The following VPS53 variants were observed in gnomAD, a reference collection of about 807,000 sequenced individuals.
VPS53 encodes vacuolar protein sorting-associated protein 53 homolog.
In VPS53, 70 loss-of-function variants were observed where a neutral mutation model predicts 107.0. That is an observed-to-expected ratio of 0.65 (90% CI 0.54 to 0.80). The LOEUF is 0.80. Among genes scored for constraint, VPS53 ranks in the 30% least tolerant of loss-of-function variants. The pLI is 0.00. For missense variants in VPS53, 917 were observed against 1,049.4 expected (o/e 0.87, Z 1.74); for synonymous variants, 409 against 393.3 (o/e 1.04, Z -0.47).
Position 520,235 on chromosome 17 carries a change from C to T in VPS53, c.2224-305G>A, listed in dbSNP as rs532066109. 9.2e-5 allele frequency among the ~76,000 whole-genome samples: 14 copies of T among 152,240 alleles called. No homozygotes were observed. Among genetic ancestry groups the T allele is most frequent in the Non-Finnish European group, 1.6e-4 (11 of 68,008 alleles). ...CGCTGCTGTTTGAAGTATGGGTTTCCGGGGCCCTCCTCTAAAGACTCTAAT... is the reference window on the plus strand; with the variant it reads ...CGCTGCTGTTTGAAGTATGGGTTTCTGGGGCCCTCCTCTAAAGACTCTAAT... On this transcript the variant is annotated intron_variant, in intron 20 of 21. Transcript: ENST00000437048. This position sits in a 1 kb window ranked among gnomAD's most constrained non-coding sequence, Gnocchi z 4.4.
At position 667,672 on chromosome 17, in the gene VPS53, G is replaced by T. The variant is rs549824146; in HGVS notation, c.286-5777C>A. Among the ~76,000 whole-genome samples the T allele has an allele frequency of 1.7e-4, 26 of 151,168 alleles. 2 individuals are homozygous for T. Among genetic ancestry groups the T allele is most frequent in the East Asian group, 9.8e-4 (5 of 5,118 alleles). ...TAATGTTCTGGGGGGGGGGGCAATG[G>T]GTTAATTACAGAAGAGGACTTTTTT... On this transcript the variant is annotated intron_variant, in intron 4 of 21. Transcript: ENST00000437048.
intron 7 of VPS53, among the ~76,000 whole-genome samples, chr17:642,232 C>A (rs2143330594): frequency 6.6e-6 from 1 of 152,322 alleles, no homozygotes; most frequent in Middle Eastern, 3.4e-3. Flanking sequence ...GAATCTCAGC[C>A]TAGAATCTTG....
intron 7 of VPS53, among the ~76,000 whole-genome samples, chr17:645,960 C>T (rs1165927088): frequency 1.5e-5 from 2 of 135,048 alleles, no homozygotes; most frequent in Non-Finnish European, 3.3e-5. Flanking sequence ...TCTCCGTGAC[C>T]GTGTGGCCAC....
Position 714,832 on chromosome 17 carries a change from G to T in VPS53, c.-123C>A. 3 of 1,079,750 alleles carry T rather than the reference G, an allele frequency of 2.8e-6. No individual in the cohort carries two copies. The highest frequency in any genetic ancestry group is 2.4e-5 in the East Asian group (1 of 41,050). The allele number at this position is 1,079,750 out of a possible 1,614,324, so 66.9% of individuals were successfully genotyped here. The stretch of plus-strand genomic sequence containing the variant: ...CCTGGTGAGCCCGGCTCCGTCAGCC[G>T]CTCTGTCAGCCGCTCCGGCACTTCC... On this transcript the variant is annotated 5_prime_UTR_variant, in exon 1 of 22. Coordinates refer to ENST00000437048, the MANE Select transcript of VPS53 (RefSeq NM_001128159.3).
intron 19 of VPS53, among the ~76,000 whole-genome samples, chr17:523,911 T>C (rs1204287293): frequency 6.6e-6 from 1 of 152,148 alleles, no homozygotes; most frequent in Non-Finnish European, 1.5e-5. Context: ...AGAATTCCAG[T>C]GGAAATGACT....
At chr17:654,511 G>A (rs1433694203) in intron 6 of VPS53, among the ~76,000 whole-genome samples, 1 of 152,014 alleles carries the variant, frequency 6.6e-6, no homozygotes, top group Non-Finnish European at 1.5e-5. Context: ...GGCCGAGGCG[G>A]GCAGATCACA....
At chr17:699,422 C>G (rs759711922) in intron 2 of VPS53, 42 bp from the exon 3 acceptor site, 1 of 1,483,596 alleles carries the variant, frequency 6.7e-7, no homozygotes, top group South Asian at 1.4e-5. Context: ...TAGTCCACTT[C>G]CTGGAATTCC....
intron 17 of VPS53, among the ~76,000 whole-genome samples, chr17:542,258 G>A (rs1031895397): frequency 6.6e-6 from 1 of 152,198 alleles, no homozygotes; most frequent in Non-Finnish European, 1.5e-5. Flanking sequence ...GGATGAAACA[G>A]GATTGAGGAC....
intron 1 of VPS53, 88 bp downstream of exon 1, chr17:714,535 G>T: frequency 1.5e-6 from 2 of 1,317,724 alleles, no homozygotes; most frequent in South Asian, 1.4e-5. Flanking sequence ...CCGGCCCTCC[G>T]TCCACCCGCC....
At chr17:544,013 GTGA>G (rs1291934705) in intron 17 of VPS53, among the ~76,000 whole-genome samples, 18 of 70,332 alleles carry the variant, frequency 2.6e-4, no homozygotes, top group African/African-American at 1.1e-3. Flanking sequence ...GAGGGAGGGA[GTGA>G]GGAAGGCAGG....
chr17:629,584 CCATCTCTACTAAAAA>C (rs1204706613), intron 8 of VPS53, among the ~76,000 whole-genome samples: 1 of 151,716 alleles, frequency 6.6e-6, no homozygotes, highest in Non-Finnish European at 1.5e-5. Context: ...TGGTGAAACC[CCATCTCTACTAAAAA>C]AAAATACAAA....
intron 11 of VPS53, among the ~76,000 whole-genome samples, chr17:618,661 T>C (rs1421949642): frequency 6.7e-6 from 1 of 149,086 alleles, no homozygotes; most frequent in Non-Finnish European, 1.5e-5. Context: ...CGACACCTGC[T>C]AATATTTCTT....
intron 4 of VPS53, among the ~76,000 whole-genome samples, chr17:672,594 T>C (rs770226358): frequency 2.6e-5 from 4 of 152,158 alleles, no homozygotes; most frequent in African/African-American, 4.8e-5. Flanking sequence ...GAACGGCTCA[T>C]GGATTAAGAG....
At chr17:582,730 GAATCTCAA>G (rs1967102758) in intron 13 of VPS53, among the ~76,000 whole-genome samples, 1 of 135,478 alleles carries the variant, frequency 7.4e-6, no homozygotes, top group Non-Finnish European at 1.6e-5. Context: ...ACCTCCCTCA[GAATCTCAA>G]TGCGTTCCCA....
chr17:640,392 G>A (rs187650894), intron 7 of VPS53, among the ~76,000 whole-genome samples: 44 of 152,194 alleles, frequency 2.9e-4, no homozygotes, highest in Admixed American at 5.2e-4. Context: ...TGTTTGGTGG[G>A]CTGCACCCAC....
rs1432413991 is a variant in VPS53 at position 514,581 on chromosome 17, C to T, written c.*4547G>A. On this transcript the variant is annotated 3_prime_UTR_variant, in exon 22 of 22. Coordinates refer to ENST00000437048, the MANE Select transcript of VPS53 (RefSeq NM_001128159.3). ...CCAGCAGGTTATTCCGAGTGCTCTTCCTAGAGAAGGAACCCCATTTCCAGC... is the reference window on the plus strand; with the variant it reads ...CCAGCAGGTTATTCCGAGTGCTCTTTCTAGAGAAGGAACCCCATTTCCAGC... The T allele has an allele frequency of 5.3e-5, 8 of 152,352 alleles. No homozygotes were observed. Among genetic ancestry groups the T allele is most frequent in the Admixed American group, 3.9e-4 (6 of 15,282 alleles). The allele number at this position is 152,352 out of a possible 1,614,324, so 9.4% of individuals were successfully genotyped here.
At chr17:697,315 C>A in intron 4 of VPS53, 103 bp downstream of exon 4, 1 of 960,072 alleles carries the variant, frequency 1.0e-6, no homozygotes, top group South Asian at 1.4e-5. Flanking sequence ...TGAAACGGAT[C>A]AATCGGAAAG....
At chr17:581,146 C>A (rs920045037) in intron 13 of VPS53, among the ~76,000 whole-genome samples, 1 of 150,996 alleles carries the variant, frequency 6.6e-6, no homozygotes, top group African/African-American at 2.4e-5. Flanking sequence ...TCCAGAGAAC[C>A]TCCCTTAAAA....
chr17:614,057 T>C (rs1005864123), intron 11 of VPS53, among the ~76,000 whole-genome samples: 4 of 152,186 alleles, frequency 2.6e-5, no homozygotes, highest in South Asian at 2.1e-4. Context: ...ATGTGAAGTG[T>C]CCACAACAGG....
Sources: allele counts gnomAD v4.1 joint callset (sites outside exome capture counted in the v4.1 genomes callset), GRCh38; gene constraint gnomAD v4.1.1; non-coding constraint Gnocchi (gnomAD v3.1); transcripts MANE v1.5; gene names NCBI Gene and HGNC (gene_info 2026-07-23, HGNC 2026-07-21).